The following INHBC variants were observed in gnomAD, a reference collection of about 807,000 sequenced individuals.
INHBC encodes inhibin beta C chain.
Under a neutral mutation model 12.4 loss-of-function variants are expected in INHBC, and 10 were observed. The observed-to-expected ratio is 0.81, with a 90% CI of 0.50 to 1.37. INHBC has a LOEUF of 1.37. INHBC is among the 40% of genes most tolerant of loss of function. The pLI is 0.00. For synonymous variants in INHBC, 147 were observed against 171.6 expected, an observed-to-expected ratio of 0.86 and a Z score of 1.12; for missense variants, 382 against 439.4, an observed-to-expected ratio of 0.87 and a Z score of 1.17.
intron 1 of INHBC, among the ~76,000 whole-genome samples, chr12:57,438,678 C>T (rs1870399132): frequency 6.6e-6 from 1 of 152,174 alleles, no homozygotes; most frequent in Non-Finnish European, 1.5e-5. Flanking sequence ...TGGAACTAGA[C>T]GAAGGCATGA....
At chr12:57,443,849 C>T (rs1330322204) in intron 1 of INHBC, among the ~76,000 whole-genome samples, 3 of 152,152 alleles carry the variant, frequency 2.0e-5, no homozygotes, top group Admixed American at 6.5e-5. Context: ...AGTGCAGTGG[C>T]GTGATCTCTG....
rs779970966 is a variant in INHBC at position 57,435,049 on chromosome 12, C to G, written c.163C>G (p.Leu55Val). The stretch of plus-strand genomic sequence containing the variant: ...GGCCAAGAGAAGCATCTTGGACAAG[C>G]TGCACCTCACCCAGCGCCCAACACT... ...DLAKRSILDK[L>V]HLTQRPTLNR... Residue 55 changes from leucine (L) to valine (V), a missense_variant, in exon 1 of 2, where the codon CTG (leucine) becomes GTG (valine). Coordinates refer to ENST00000309668, the MANE Select transcript of INHBC (RefSeq NM_005538.4). 6.2e-7 allele frequency: 1 copy of G among 1,614,054 alleles called. No individual in the cohort carries two copies. Among genetic ancestry groups the G allele is most frequent in the Non-Finnish European group, 8.5e-7 (1 of 1,180,048 alleles).
rs140206518 is a variant in INHBC, at chr12:57,447,797, G to A, written c.314-1480G>A. ...GAATTGCTTGAACCCGAGAGGCAGCGGTTGCAGTGAGCTGAGATTGCGCCA... is the reference window on the plus strand; with the variant it reads ...GAATTGCTTGAACCCGAGAGGCAGCAGTTGCAGTGAGCTGAGATTGCGCCA... On this transcript the variant is annotated intron_variant, in intron 1 of 1. Transcript: ENST00000309668. 2.4e-3 allele frequency among the ~76,000 whole-genome samples: 316 copies of A among 132,660 alleles called. 8 individuals are homozygous for A. In the East Asian group the frequency reaches 0.061, roughly 25 times the overall value. 87.0% of individuals were successfully genotyped at this position (132,660 alleles called of 152,430 possible).
chr12:57,446,266 T>C (rs1371801431), intron 1 of INHBC, among the ~76,000 whole-genome samples: 7 of 151,730 alleles, frequency 4.6e-5, no homozygotes, highest in African/African-American at 1.7e-4. Flanking sequence ...AAAAAAGAGA[T>C]TGAAATATCA....
At chr12:57,436,579 C>T (rs557706524) in intron 1 of INHBC, among the ~76,000 whole-genome samples, 135 of 150,706 alleles carry the variant, frequency 9.0e-4, no homozygotes, top group African/African-American at 3.1e-3. Flanking sequence ...GGCTCAAGCT[C>T]AGGTGATCCT....
At chr12:57,443,283 A>G (rs1253110777) in intron 1 of INHBC, among the ~76,000 whole-genome samples, 4 of 149,586 alleles carry the variant, frequency 2.7e-5, no homozygotes, top group Non-Finnish European at 5.9e-5. Context: ...ATGCCCAGCT[A>G]ATTTTTTTTT....
At chr12:57,447,892 AATATATATATATATATATAT>A (rs1241342566) in intron 1 of INHBC, among the ~76,000 whole-genome samples, 2 of 19,880 alleles carry the variant, frequency 1.0e-4, no homozygotes, top group East Asian at 1.4e-3. Flanking sequence ...AAAAAAAAAA[AATATATATATATATATATAT>A]ATATATATAT....
At chr12:57,447,922 T>TATATATATATAA (rs1324931217) in intron 1 of INHBC, among the ~76,000 whole-genome samples, 1 of 75,646 alleles carries the variant, frequency 1.3e-5, no homozygotes, top group East Asian at 3.5e-4. Flanking sequence ...TATATATATA[T>TATATATATATAA]AAAATATATG....
At chr12:57,449,135 A>T (rs1458089810) in intron 1 of INHBC, 142 bp from the exon 2 acceptor site, 1 of 1,114,006 alleles carries the variant, frequency 9.0e-7, no homozygotes, top group Non-Finnish European at 1.3e-6. Context: ...TCCAATTTCC[A>T]GCACATGAAC....
chr12:57,438,554 G>A (rs1870396978), intron 1 of INHBC, among the ~76,000 whole-genome samples: 1 of 152,196 alleles, frequency 6.6e-6, no homozygotes. Flanking sequence ...CAGATTCCAA[G>A]AGGATAATTT....
At chr12:57,440,332 C>CTTTT (rs34888207) in intron 1 of INHBC, among the ~76,000 whole-genome samples, 1,203 of 117,402 alleles carry the variant, frequency 0.01, 17 homozygotes, top group Non-Finnish European at 0.014. Context: ...TGAACAGTGC[C>CTTTT]TTTTTTTTTT....
intron 1 of INHBC, among the ~76,000 whole-genome samples, chr12:57,447,538 G>A (rs1870604877): frequency 6.6e-6 from 1 of 151,492 alleles, no homozygotes; most frequent in Non-Finnish European, 1.5e-5. Flanking sequence ...AGAATGAAGA[G>A]GGGGTATATA....
At position 57,449,811 on chromosome 12, in the gene INHBC, A is replaced by T; in HGVS notation, c.848A>T (p.His283Leu). ...TTCTGCATAGGGCAGTGCCCACTACACATAGCAGGCATGCCTGGTATTGCT... is the reference window on the plus strand; with the variant it reads ...TTCTGCATAGGGCAGTGCCCACTACTCATAGCAGGCATGCCTGGTATTGCT... ...MNFCIGQCPL[H>L]IAGMPGIAAS... The change falls in exon 2 of 2, where the codon CAC becomes CTC. Residue 283 changes from histidine to leucine, a missense_variant. Transcript: ENST00000309668. 2.5e-6 allele frequency: 4 copies of T among 1,613,738 alleles called. No homozygotes were observed. The highest frequency in any genetic ancestry group is 3.4e-6 in the Non-Finnish European group (4 of 1,179,718).
intron 1 of INHBC, among the ~76,000 whole-genome samples, chr12:57,444,135 A>G (rs1054901246): frequency 1.3e-5 from 2 of 152,178 alleles, no homozygotes; most frequent in Middle Eastern, 3.2e-3. Flanking sequence ...AATACCAAGT[A>G]CTAGGGATAC....
chr12:57,443,934 G>A (rs1209035574), intron 1 of INHBC, among the ~76,000 whole-genome samples: 3 of 152,054 alleles, frequency 2.0e-5, no homozygotes, highest in African/African-American at 7.2e-5. Flanking sequence ...GACTACAGGT[G>A]CATGCCACCA....
chr12:57,447,194 T>C (rs1030582681), intron 1 of INHBC, among the ~76,000 whole-genome samples: 3 of 152,102 alleles, frequency 2.0e-5, no homozygotes, highest in Admixed American at 2.0e-4. Flanking sequence ...GTTTTTTTTT[T>C]CTTTTTTTGA....
At chr12:57,447,892 A>AAAAAAAAAAT (rs1555325179) in intron 1 of INHBC, among the ~76,000 whole-genome samples, 4 of 19,874 alleles carry the variant, frequency 2.0e-4, no homozygotes, top group Non-Finnish European at 3.2e-4. Flanking sequence ...AAAAAAAAAA[A>AAAAAAAAAAT]ATATATATAT....
rs1024472303 is a variant in INHBC, at chr12:57,435,428, T to A, written c.313+229T>A. On this transcript the variant is annotated intron_variant, in intron 1 of 1. Transcript: ENST00000309668. ...AGCTGGAAAGCTGGTAAATTTCACT[T>A]CTTTTGAGATTGGCTGCCGTCATCT... 1.1e-4 allele frequency among the ~76,000 whole-genome samples: 16 copies of A among 152,250 alleles called. No homozygotes were observed. The South Asian group carries it at 2.3e-3, about 22-fold the overall frequency.
At chr12:57,438,424 A>G (rs1017547641) in intron 1 of INHBC, among the ~76,000 whole-genome samples, 4 of 152,162 alleles carry the variant, frequency 2.6e-5, no homozygotes, top group Admixed American at 1.3e-4. Flanking sequence ...CCACTTCCTA[A>G]TACCATCACA....
Sources: allele counts gnomAD v4.1 joint callset (sites outside exome capture counted in the v4.1 genomes callset), GRCh38; gene constraint gnomAD v4.1.1; transcripts MANE v1.5; gene names NCBI Gene and HGNC (gene_info 2026-07-23, HGNC 2026-07-21).